Variants in BTD observed in about 807,000 individuals in gnomAD.
BTD encodes biocytinase.
BTD carries 13 observed loss-of-function variants against 17.7 expected under a neutral mutation model. The observed-to-expected ratio is 0.74, with a 90% CI of 0.48 to 1.17. The LOEUF (loss-of-function observed/expected upper bound fraction) is 1.17. BTD is among the 50% of genes most tolerant of loss of function. BTD has a pLI of 0.00. For synonymous variants in BTD, 240 were observed against 245.2 expected (o/e 0.98, Z 0.20); for missense variants, 674 against 650.4 (o/e 1.04, Z -0.39).
chr3:15,691,345 G>C (rs1020977454), intron 3 of BTD, among the ~76,000 whole-genome samples: 10 of 151,908 alleles, frequency 6.6e-5, no homozygotes, highest in Non-Finnish European at 1.0e-4. Flanking sequence ...GGATGGTCTC[G>C]ATCTCTTGAC....
At chr3:15,604,244 G>A (rs975840589) in intron 1 of BTD, among the ~76,000 whole-genome samples, 1 of 152,366 alleles carries the variant, frequency 6.6e-6, no homozygotes, top group South Asian at 2.1e-4. Flanking sequence ...AATCTAGGCA[G>A]AGGTTCCCAA....
downstream of BTD, among the ~76,000 whole-genome samples, chr3:15,654,639 T>A (rs1003367558): frequency 1.3e-5 from 2 of 152,170 alleles, no homozygotes; most frequent in Admixed American, 6.5e-5. Context: ...TGTGGCAATC[T>A]TGGCTCACTG....
chr3:15,676,472 A>C (rs2066950037), intron 3 of BTD: 1 of 156,456 alleles, frequency 6.4e-6, no homozygotes. Flanking sequence ...CAATATTCTA[A>C]GATTTTTATC....
intron 2 of BTD, among the ~76,000 whole-genome samples, chr3:15,639,954 T>C (rs1173308805): frequency 1.3e-5 from 2 of 151,892 alleles, no homozygotes; most frequent in Non-Finnish European, 2.9e-5. Flanking sequence ...AAATACAAAA[T>C]TTAGCCAGGT....
downstream of BTD, among the ~76,000 whole-genome samples, chr3:15,657,304 T>C (rs779382094): frequency 5.3e-5 from 8 of 152,204 alleles, no homozygotes; most frequent in Non-Finnish European, 8.8e-5. Context: ...AAAGAATTTG[T>C]GGCTATTTAA....
At chr3:15,611,775 CA>C (rs111335032) in intron 1 of BTD, among the ~76,000 whole-genome samples, 4,811 of 121,412 alleles carry the variant, frequency 0.04, 245 homozygotes, top group African/African-American at 0.13. Context: ...GAGACAGTCT[CA>C]AAAAAAAAAA....
chr3:15,676,065 G>A (rs1559312382), intron 3 of BTD: 2 of 1,242,356 alleles, frequency 1.6e-6, no homozygotes, highest in Non-Finnish European at 2.2e-6. Flanking sequence ...GGCTGTCAAA[G>A]AGCATTTTTG....
chr3:15,611,775 C>CAA (rs111335032), intron 1 of BTD, among the ~76,000 whole-genome samples: 1 of 121,582 alleles, frequency 8.2e-6, no homozygotes, highest in Admixed American at 8.6e-5. Context: ...GAGACAGTCT[C>CAA]AAAAAAAAAA....
intron 3 of BTD, among the ~76,000 whole-genome samples, chr3:15,663,472 T>G (rs962624954): frequency 6.6e-6 from 1 of 152,236 alleles, no homozygotes; most frequent in African/African-American, 2.4e-5. Flanking sequence ...TGCTTTCTGT[T>G]TTGGAAGGTT....
At chr3:15,666,496 T>TA (rs1157920178) in intron 3 of BTD, among the ~76,000 whole-genome samples, 1 of 152,250 alleles carries the variant, frequency 6.6e-6, no homozygotes, top group Non-Finnish European at 1.5e-5. Context: ...TTCAAGTACT[T>TA]ACAACCTTGC....
intron 3 of BTD, among the ~76,000 whole-genome samples, chr3:15,689,403 T>C (rs1444259327): frequency 6.6e-6 from 1 of 152,188 alleles, no homozygotes; most frequent in African/African-American, 2.4e-5. Flanking sequence ...TCTGCAGCCA[T>C]CATCAAAAGA....
exon 5 of BTD, among the ~76,000 whole-genome samples, chr3:15,722,150 G>C (rs1267991650): frequency 1.3e-5 from 2 of 152,156 alleles, no homozygotes; most frequent in Non-Finnish European, 2.9e-5. Context: ...CCTGGCTTCA[G>C]GGAGGTAGGT....
exon 4 of BTD, chr3:15,711,265 A>C (rs758225642): frequency 2.5e-6 from 4 of 1,611,320 alleles, no homozygotes; most frequent in Non-Finnish European, 3.4e-6. Flanking sequence ...TGGGGTATCT[A>C]TATCAAATCC....
chr3:15,636,616 C>T (rs1226510019), intron 2 of BTD, among the ~76,000 whole-genome samples: 1 of 152,210 alleles, frequency 6.6e-6, no homozygotes, highest in African/African-American at 2.4e-5. Flanking sequence ...CAACACTTTC[C>T]TGCTCTCTGT....
downstream of BTD, among the ~76,000 whole-genome samples, chr3:15,656,109 G>A (rs1470402055): frequency 6.6e-6 from 1 of 152,020 alleles, no homozygotes; most frequent in Non-Finnish European, 1.5e-5. Flanking sequence ...AGCCTACTTT[G>A]TTATTATTAT....
chr3:15,685,379 C>T (rs1428239666), intron 3 of BTD: 2 of 1,613,888 alleles, frequency 1.2e-6, no homozygotes, highest in Non-Finnish European at 1.7e-6. Flanking sequence ...CCCCTGCTAT[C>T]CCGAAGTAAG....
intron 3 of BTD, among the ~76,000 whole-genome samples, chr3:15,687,161 T>C (rs939847197): frequency 4.6e-5 from 7 of 151,908 alleles, no homozygotes; most frequent in African/African-American, 1.7e-4. Context: ...GCATGGCTGG[T>C]CTTGAACTCC....
intron 3 of BTD, among the ~76,000 whole-genome samples, chr3:15,685,813 T>C (rs1205136548): frequency 1.3e-5 from 2 of 152,232 alleles, no homozygotes; most frequent in East Asian, 1.9e-4. Context: ...TGTTCTAACA[T>C]TGTTCTCTAG....
chr3:15,664,304 T>G (rs1045444553), intron 3 of BTD, among the ~76,000 whole-genome samples: 6 of 152,244 alleles, frequency 3.9e-5, no homozygotes, highest in African/African-American at 1.4e-4. Flanking sequence ...GATACTCTGT[T>G]GTTAAGTGCA....
Sources: gnomAD v4.1 joint callset for allele counts (sites outside exome capture counted in the v4.1 genomes callset) on GRCh38, gnomAD v4.1.1 for gene constraint, MANE v1.5 for transcripts, NCBI Gene and HGNC (gene_info 2026-07-23, HGNC 2026-07-21) for gene names.